ATXN2: variants seen among roughly 807,000 people sequenced by gnomAD.
ATXN2 encodes the protein ataxin 2.
A neutral mutation model predicts 138.6 loss-of-function variants in ATXN2; 37 were observed. The ratio of observed to expected loss-of-function variants is 0.27; its 90% CI spans 0.21 to 0.35. The LOEUF (loss-of-function observed/expected upper bound fraction) is 0.35, where lower values mean the gene tolerates loss of function less well. ATXN2 is among the 10% of genes least tolerant of loss of function. The probability of loss-of-function intolerance (pLI) is 1.00; values close to 1 mark genes in which losing one functional copy is unlikely to be tolerated. For missense variants in ATXN2, 1,216 were observed against 1,480.3 expected, an observed-to-expected ratio of 0.82 and a Z score of 2.93; for synonymous variants, 549 against 543.7, an observed-to-expected ratio of 1.01 and a Z score of -0.13.
chr12:111,481,423 C>G lies in ATXN2; in HGVS notation c.2524+3842G>C, dbSNP rs926064416. On this transcript the variant is annotated intron_variant, in intron 18 of 24. Transcript: ENST00000673436. ...TTGTGCCACTGTGCTCCAGCCTGGG[C>G]ACGATCTCAAAACAATACAAAAAAA... Among the ~76,000 whole-genome samples the G allele has an allele frequency of 2.6e-5, 4 of 152,230 alleles. No individual in the cohort carries two copies. The East Asian group carries it at 7.7e-4, about 29-fold the overall frequency.
At chr12:111,520,170 G>T (rs1401861205) in intron 7 of ATXN2, 94 bp from the exon 8 acceptor site, 2 of 1,438,860 alleles carry the variant, frequency 1.4e-6, no homozygotes, top group East Asian at 4.9e-5. Context: ...TTAGAGTTTA[G>T]AATACTGGTA....
chr12:111,598,981 C>CTGT lies in ATXN2; in HGVS notation c.53_54insACA (p.Gln28dup). On this transcript the variant is annotated inframe_insertion, in exon 1 of 25. Transcript: ENST00000673436. The surrounding 1 kb of genome is among the most constrained non-coding windows in gnomAD (Gnocchi z 4.5). The stretch of plus-strand genomic sequence containing the variant: ...GCTGCTGCTGCTGCTGCTGCTGTTG[C>CTGT]TGCTGCTGCTGCTGCTGCTGCTGCT... 8.0e-7 allele frequency: 1 copy of CTGT among 1,256,222 alleles called. No individual in the cohort carries two copies. The highest frequency in any genetic ancestry group is 1.1e-6 in the Non-Finnish European group (1 of 951,238). 77.8% of individuals were successfully genotyped at this position (1,256,222 alleles called of 1,614,324 possible). A position where few individuals can be genotyped will look rare whatever the true frequency, so the allele number is the denominator to read the frequency against.
chr12:111,563,145 C>A (rs1882790207), intron 1 of ATXN2, among the ~76,000 whole-genome samples: 1 of 152,070 alleles, frequency 6.6e-6, no homozygotes, highest in Admixed American at 6.6e-5. Flanking sequence ...ACAAAATAAC[C>A]TGTAATCTTC....
intron 2 of ATXN2, 27 bp from the exon 3 acceptor site, chr12:111,554,244 AT>A: frequency 3.1e-6 from 4 of 1,276,838 alleles, no homozygotes; most frequent in East Asian, 2.7e-5. Flanking sequence ...AAAAAAAACT[AT>A]TAGAAATTAG....
At chr12:111,566,849 A>G (rs1883040940) in intron 1 of ATXN2, among the ~76,000 whole-genome samples, 1 of 151,960 alleles carries the variant, frequency 6.6e-6, no homozygotes, top group African/African-American at 2.4e-5. Context: ...CGTTTGCCAG[A>G]CTGGTCTTGA....
At chr12:111,491,829 TGA>T (rs1162046384) in intron 14 of ATXN2, among the ~76,000 whole-genome samples, 1 of 152,030 alleles carries the variant, frequency 6.6e-6, no homozygotes, top group Non-Finnish European at 1.5e-5. Flanking sequence ...CTGCTTGAGG[TGA>T]GAGAAGAGTA....
intron 1 of ATXN2, among the ~76,000 whole-genome samples, chr12:111,587,886 T>C (rs1281728715): frequency 6.6e-6 from 1 of 152,116 alleles, no homozygotes; most frequent in Non-Finnish European, 1.5e-5. Flanking sequence ...TAGCTATTAA[T>C]CATGGCACGA....
intron 11 of ATXN2, 37 bp from the exon 12 acceptor site, chr12:111,510,619 G>C (rs773514110): frequency 1.3e-6 from 2 of 1,531,862 alleles, no homozygotes; most frequent in Non-Finnish European, 1.8e-6. Context: ...TACATTCTCA[G>C]TTCAAATGTT....
At chr12:111,571,873 G>A (rs1281496070) in intron 1 of ATXN2, among the ~76,000 whole-genome samples, 1 of 151,822 alleles carries the variant, frequency 6.6e-6, no homozygotes, top group Non-Finnish European at 1.5e-5. Flanking sequence ...TTAGCTGGGC[G>A]TGGCAGCATG....
intron 20 of ATXN2, among the ~76,000 whole-genome samples, chr12:111,467,934 T>C (rs958888392): frequency 6.6e-6 from 1 of 152,246 alleles, no homozygotes; most frequent in East Asian, 1.9e-4. Context: ...CATTACAGTA[T>C]TATTGCTACA....
chr12:111,530,158 G>A (rs1343349670), intron 5 of ATXN2, among the ~76,000 whole-genome samples: 1 of 152,104 alleles, frequency 6.6e-6, no homozygotes, highest in Admixed American at 6.6e-5. Flanking sequence ...TCAGTATATA[G>A]ATTGGTATCA....
intron 1 of ATXN2, among the ~76,000 whole-genome samples, chr12:111,591,398 AG>A (rs1168991589): frequency 4.6e-5 from 7 of 152,118 alleles, no homozygotes; most frequent in Admixed American, 2.0e-4. Context: ...GGCTCGGTGC[AG>A]TGGCTCACAC....
chr12:111,599,646 G>C (rs117532831), upstream of ATXN2: 8 of 1,084,670 alleles, frequency 7.4e-6, no homozygotes, highest in African/African-American at 6.7e-5. Context: ...CGTGAGGAGC[G>C]GGCGGCGCGC....
intron 14 of ATXN2, among the ~76,000 whole-genome samples, chr12:111,503,604 CTCT>C (rs995109296): frequency 6.7e-6 from 1 of 149,706 alleles, no homozygotes; most frequent in African/African-American, 2.5e-5. Context: ...TTTTTCCACT[CTCT>C]TTTTTTTTCT....
intron 18 of ATXN2, among the ~76,000 whole-genome samples, chr12:111,483,228 CACACACACACAA>C (rs1877383545): frequency 2.0e-5 from 3 of 148,498 alleles, no homozygotes; most frequent in African/African-American, 7.5e-5. Context: ...CACACACACA[CACACACACACAA>C]AACACCCAAA....
At position 111,553,604 on chromosome 12, in the gene ATXN2, A is replaced by ATTTTTTTTTTT. The variant is rs745560171; in HGVS notation, c.348+543_348+553dup. Reference sequence around the variant, plus strand: ...AAAAAAAAAAAAAAAAAAAAAAAAAATTTTTTTTTTTGAGAAGGGGTCTGT... The same window carrying ATTTTTTTTTTT: ...AAAAAAAAAAAAAAAAAAAAAAAAAATTTTTTTTTTTTTTTTTTTTTTGAGAAGGGGTCTGT... On this transcript the variant is annotated intron_variant, in intron 3 of 24. Coordinates refer to ENST00000673436, the MANE Select transcript of ATXN2 (RefSeq NM_001372574.1). Among the ~76,000 whole-genome samples the ATTTTTTTTTTT allele has an allele frequency of 3.5e-3, 299 of 84,998 alleles. 53 individuals carry two copies. Among genetic ancestry groups the ATTTTTTTTTTT allele is most frequent in the African/African-American group, 0.022 (285 of 13,248 alleles). 55.8% of individuals were successfully genotyped at this position (84,998 alleles called of 152,430 possible). A position where few individuals can be genotyped will look rare whatever the true frequency, so the allele number is the denominator to read the frequency against.
At chr12:111,599,340 C>A (rs905904179), upstream of ATXN2, 2 of 98,678 alleles carry the variant, frequency 2.0e-5, no homozygotes, top group East Asian at 1.0e-3. Flanking sequence ...GGGCCGGGGC[C>A]GGGCGGGGGA....
At chr12:111,496,583 G>A (rs1214214449) in intron 14 of ATXN2, among the ~76,000 whole-genome samples, 2 of 151,868 alleles carry the variant, frequency 1.3e-5, no homozygotes, top group African/African-American at 4.8e-5. Context: ...GATAACAAGA[G>A]GAACTTTGGA....
At chr12:111,467,906 G>A (rs750632989) in intron 20 of ATXN2, among the ~76,000 whole-genome samples, 7 of 152,190 alleles carry the variant, frequency 4.6e-5, no homozygotes, top group Non-Finnish European at 8.8e-5. Context: ...ACACAATGAG[G>A]AGAAAGATTC....
Sources: allele counts gnomAD v4.1 joint callset (sites outside exome capture counted in the v4.1 genomes callset), GRCh38; gene constraint gnomAD v4.1.1; non-coding constraint Gnocchi (gnomAD v3.1); transcripts MANE v1.5; gene names NCBI Gene and HGNC (gene_info 2026-07-23, HGNC 2026-07-21).